Variants in MALRD1 observed in about 807,000 individuals in gnomAD.
MALRD1 encodes MAM and LDL-receptor class A domain-containing protein 1.
A neutral mutation model predicts 242.1 loss-of-function variants in MALRD1; 247 were observed. The observed-to-expected ratio is 1.02, with a 90% CI of 0.92 to 1.13. MALRD1 has a LOEUF of 1.13. Ranked by LOEUF, MALRD1 falls within the 50% of genes most tolerant of loss-of-function variation. The pLI, the probability that MALRD1 is intolerant of heterozygous loss-of-function variation, is 0.00. For missense variants in MALRD1, 2,989 were observed against 2,533.1 expected (o/e 1.18, Z -3.86); for synonymous variants, 995 against 866.6 (o/e 1.15, Z -2.60).
intron 26 of MALRD1, among the ~76,000 whole-genome samples, chr10:19,373,524 A>G (rs1588982346): frequency 6.6e-6 from 1 of 152,126 alleles, no homozygotes; most frequent in African/African-American, 2.4e-5. Context: ...TGTCAAAAAA[A>G]AGAAAGAAAG....
intron 18 of MALRD1, 43 bp from the exon 19 acceptor site, chr10:19,257,641 A>G: frequency 1.5e-6 from 2 of 1,372,390 alleles, no homozygotes; most frequent in Middle Eastern, 2.0e-4. Context: ...CCTTTACCAC[A>G]TAAACACATT....
At chr10:19,686,113 A>C (rs951614473) in intron 36 of MALRD1, among the ~76,000 whole-genome samples, 14 of 152,314 alleles carry the variant, frequency 9.2e-5, no homozygotes, top group African/African-American at 3.4e-4. Flanking sequence ...AGACAGAGGA[A>C]AGACACAGGC....
At chr10:19,215,015 G>T (rs1388888943) in intron 18 of MALRD1, among the ~76,000 whole-genome samples, 2 of 152,140 alleles carry the variant, frequency 1.3e-5, no homozygotes, top group African/African-American at 4.8e-5. Flanking sequence ...AAAATGCCTG[G>T]AATGTCCCCA....
intron 18 of MALRD1, among the ~76,000 whole-genome samples, chr10:19,226,866 T>G (rs996811020): frequency 1.3e-5 from 2 of 152,184 alleles, no homozygotes; most frequent in African/African-American, 4.8e-5. Flanking sequence ...TGTGTTTCTA[T>G]ACACAATCAA....
At chr10:19,198,846 A>G (rs536441583) in intron 14 of MALRD1, among the ~76,000 whole-genome samples, 1 of 152,172 alleles carries the variant, frequency 6.6e-6, no homozygotes, top group Non-Finnish European at 1.5e-5. Flanking sequence ...ACTTTTGCAA[A>G]CATTCCCTTA....
At chr10:19,707,216 T>C (rs1833906807) in intron 38 of MALRD1, among the ~76,000 whole-genome samples, 2 of 151,240 alleles carry the variant, frequency 1.3e-5, no homozygotes, top group African/African-American at 2.4e-5. Context: ...TTCTCCTCCT[T>C]CTTCTTCTCC....
intron 36 of MALRD1, among the ~76,000 whole-genome samples, chr10:19,679,277 T>C (rs1476152016): frequency 6.6e-6 from 1 of 152,010 alleles, no homozygotes; most frequent in African/African-American, 2.4e-5. Context: ...AGTAGTAAAT[T>C]CAACTGGTCG....
chr10:19,428,023 T>G lies in MALRD1; in HGVS notation c.4846-22284T>G, dbSNP rs939467595. ...GAAGCATCAAGAGCTGTAAATACTT[T>G]GCCTTTCTTACCTGTCCAGAATCTG... On this transcript the variant is annotated intron_variant, in intron 28 of 39. Coordinates refer to ENST00000454679, the MANE Select transcript of MALRD1 (RefSeq NM_001142308.3). Among the ~76,000 whole-genome samples, 19 of 152,208 alleles carry G rather than the reference T, an allele frequency of 1.2e-4. No individual in the cohort carries two copies. In the East Asian group the frequency reaches 1.6e-3, roughly 12 times the overall value.
At chr10:19,300,075 A>G (rs1254094095) in intron 21 of MALRD1, among the ~76,000 whole-genome samples, 1 of 151,982 alleles carries the variant, frequency 6.6e-6, no homozygotes, top group Non-Finnish European at 1.5e-5. Context: ...TATGCCAACA[A>G]CATCCAAGCT....
intron 25 of MALRD1, among the ~76,000 whole-genome samples, chr10:19,348,770 A>G (rs1422552163): frequency 1.3e-5 from 2 of 152,158 alleles, no homozygotes; most frequent in Non-Finnish European, 1.5e-5. Flanking sequence ...TTACCTTTAC[A>G]TATAGTCCAA....
At chr10:19,503,026 T>C (rs763034670) in intron 31 of MALRD1, among the ~76,000 whole-genome samples, 40 of 152,176 alleles carry the variant, frequency 2.6e-4, no homozygotes, top group Non-Finnish European at 1.5e-4. Flanking sequence ...TATGTAATGT[T>C]ATATACAAGC....
chr10:19,218,894 T>A (rs16918365), intron 18 of MALRD1, among the ~76,000 whole-genome samples: 25,002 of 152,082 alleles, frequency 0.16, 2,099 homozygotes, highest in Middle Eastern at 0.2. Context: ...ATCAGATTCA[T>A]TATATAGCAG....
At chr10:19,177,156 T>C (rs1466147937) in intron 14 of MALRD1, among the ~76,000 whole-genome samples, 1 of 151,672 alleles carries the variant, frequency 6.6e-6, no homozygotes, top group Non-Finnish European at 1.5e-5. Context: ...GGCGGGCACC[T>C]GTAGTCCCAG....
chr10:19,193,395 A>C (rs1836079725), intron 14 of MALRD1, among the ~76,000 whole-genome samples: 1 of 152,110 alleles, frequency 6.6e-6, no homozygotes, highest in African/African-American at 2.4e-5. Flanking sequence ...ATCTCTACAA[A>C]AAATACAAAA....
intron 29 of MALRD1, among the ~76,000 whole-genome samples, chr10:19,473,405 A>G (rs1836589433): frequency 1.3e-5 from 2 of 152,130 alleles, no homozygotes; most frequent in African/African-American, 2.4e-5. Flanking sequence ...TTGTTCAACC[A>G]TCACCATCAT....
At chr10:19,517,315 G>A (rs137921175) in intron 31 of MALRD1, among the ~76,000 whole-genome samples, 64 of 152,262 alleles carry the variant, frequency 4.2e-4, no homozygotes, top group Non-Finnish European at 7.8e-4. Context: ...CAGATGGCTG[G>A]TGAAAACATG....
chr10:19,084,416 T>C (rs1835598409), intron 2 of MALRD1, among the ~76,000 whole-genome samples: 1 of 151,940 alleles, frequency 6.6e-6, no homozygotes, highest in Admixed American at 6.6e-5. Context: ...TCCTACAGCC[T>C]GATTTTTTTT....
intron 36 of MALRD1, among the ~76,000 whole-genome samples, chr10:19,668,511 G>A (rs761225863): frequency 1.2e-4 from 19 of 152,074 alleles, no homozygotes; most frequent in East Asian, 3.9e-4. Context: ...GTGGGAGAAC[G>A]CCACTAATAA....
At chr10:19,162,736 T>C (rs570001576) in intron 12 of MALRD1, among the ~76,000 whole-genome samples, 2 of 151,772 alleles carry the variant, frequency 1.3e-5, no homozygotes, top group Non-Finnish European at 2.9e-5. Context: ...AGTTCAACCA[T>C]TGCAGAAAGC....
Sources: gnomAD v4.1 joint callset for allele counts (sites outside exome capture counted in the v4.1 genomes callset) on GRCh38, gnomAD v4.1.1 for gene constraint, MANE v1.5 for transcripts, NCBI Gene and HGNC (gene_info 2026-07-23, HGNC 2026-07-21) for gene names.